The following TNRC6C variants were observed in gnomAD, a reference collection of about 807,000 sequenced individuals.
TNRC6C encodes trinucleotide repeat-containing gene 6C protein.
Under a neutral mutation model 153.7 loss-of-function variants are expected in TNRC6C, and 20 were observed. That is an observed-to-expected ratio of 0.13 (90% CI 0.09 to 0.19). TNRC6C has a LOEUF of 0.19. Among genes scored for constraint, TNRC6C ranks in the 10% least tolerant of loss-of-function variants. The pLI is 1.00. For synonymous variants in TNRC6C, 811 were observed against 841.4 expected (o/e 0.96, Z 0.63); for missense variants, 1,987 against 2,172.0 (o/e 0.91, Z 1.69).
chr17:78,086,563 T>A lies in TNRC6C; in HGVS notation c.3538T>A (p.Ser1180Thr), dbSNP rs977276027. 5.6e-6 allele frequency: 9 copies of A among 1,613,846 alleles called. No homozygotes were observed. In the African/African-American group the frequency reaches 9.3e-5, roughly 17 times the overall value. The change falls in exon 12 of 20, where the codon TCC (serine) becomes ACC (threonine). Residue 1180 changes from serine to threonine, a missense_variant. Ser to Thr is a moderately conservative substitution (Grantham distance 58). This residue lies in a region of TNRC6C where 765 missense variants were observed against 908.6 expected (regional missense o/e 0.84). Coordinates refer to ENST00000301624, the Ensembl canonical transcript of TNRC6C. ...ACAGGCCCAGCGTAATGTGTCCGGA[T>A]CCATGAGACAACAGGAGCAGCAAGT...
In TNRC6C at chr17:78,098,584, G is replaced by A. The variant is rs759637971; in HGVS notation, c.4501+47G>A. On this transcript the variant is annotated intron_variant, in intron 17 of 19. Coordinates refer to ENST00000301624, the Ensembl canonical transcript of TNRC6C. ...TTCCGATGGGGGCCTTACCCTTTAGGGGATGTGCTTATCACTTTGTCCTGT... is the reference window on the plus strand; with the variant it reads ...TTCCGATGGGGGCCTTACCCTTTAGAGGATGTGCTTATCACTTTGTCCTGT... 4 of 1,568,442 alleles carry A rather than the reference G, an allele frequency of 2.6e-6. No homozygotes were observed. The South Asian group carries it at 3.5e-5, about 14-fold the overall frequency.
chr17:77,991,570 T>C (rs1413028917), intron 1 of TNRC6C, among the ~76,000 whole-genome samples: 1 of 152,180 alleles, frequency 6.6e-6, no homozygotes, highest in African/African-American at 2.4e-5. Flanking sequence ...ATTCCTCTTT[T>C]CCTTCCTCTA....
At chr17:78,022,199 C>T (rs1300341486) in intron 1 of TNRC6C, among the ~76,000 whole-genome samples, 2 of 152,182 alleles carry the variant, frequency 1.3e-5, no homozygotes, top group Non-Finnish European at 2.9e-5. Flanking sequence ...CAGTCCTGCC[C>T]TACTCACATA....
intron 1 of TNRC6C, among the ~76,000 whole-genome samples, chr17:78,013,388 A>G (rs1357309289): frequency 6.6e-6 from 1 of 152,232 alleles, no homozygotes; most frequent in Non-Finnish European, 1.5e-5. Context: ...ACTCCAGCTT[A>G]CTAGCTAAGT....
chr17:77,983,098 C>T (rs1015694063), intron 1 of TNRC6C, among the ~76,000 whole-genome samples: 2 of 152,108 alleles, frequency 1.3e-5, no homozygotes, highest in Admixed American at 6.5e-5. Context: ...TTGAATATGG[C>T]GTAAATTCAC....
chr17:78,064,178 A>G (rs748277794), intron 3 of TNRC6C, among the ~76,000 whole-genome samples: 7 of 152,150 alleles, frequency 4.6e-5, no homozygotes, highest in Admixed American at 1.3e-4. Flanking sequence ...AAACTTAACC[A>G]CTTGGTTCCC....
At chr17:78,032,199 T>G (rs2072089662) in intron 2 of TNRC6C, among the ~76,000 whole-genome samples, 1 of 152,232 alleles carries the variant, frequency 6.6e-6, no homozygotes, top group Non-Finnish European at 1.5e-5. Context: ...TAGTCTGTCT[T>G]ATGAGTGCAC....
At chr17:77,981,897 AC>A (rs753041670) in intron 1 of TNRC6C, among the ~76,000 whole-genome samples, 3 of 152,128 alleles carry the variant, frequency 2.0e-5, no homozygotes, top group African/African-American at 7.2e-5. Context: ...AGATTTGACA[AC>A]CCCTAGGTAT....
At chr17:77,993,028 C>T (rs2071275698) in intron 1 of TNRC6C, among the ~76,000 whole-genome samples, 2 of 151,962 alleles carry the variant, frequency 1.3e-5, no homozygotes, top group Admixed American at 6.6e-5. Context: ...TGCAGTGGCA[C>T]GAACTTGGCT....
intron 2 of TNRC6C, among the ~76,000 whole-genome samples, chr17:78,046,636 A>G (rs1016766446): frequency 6.6e-6 from 1 of 152,134 alleles, no homozygotes; most frequent in Non-Finnish European, 1.5e-5. Context: ...TACGTATTTC[A>G]TGTCTTCTAC....
intron 12 of TNRC6C, 123 bp downstream of exon 14, chr17:78,086,709 CCT>C: frequency 6.4e-7 from 1 of 1,561,834 alleles, no homozygotes; most frequent in Admixed American, 1.7e-5. Context: ...TTTGAAAATT[CCT>C]GGGTTCAGCT....
chr17:78,093,589 C>G, intron 15 of TNRC6C, 31 bp from the exon 18 acceptor site: 1 of 1,612,784 alleles, frequency 6.2e-7, no homozygotes, highest in Non-Finnish European at 8.5e-7. Flanking sequence ...GTGTTCTGAT[C>G]TGTGGCTTCT....
upstream of TNRC6C, among the ~76,000 whole-genome samples, chr17:78,002,692 A>C (rs62078550): frequency 0.32 from 48,205 of 152,036 alleles, 7,800 homozygotes; most frequent in East Asian, 0.41. Context: ...CAGGAGTTCG[A>C]GACTAGCCTG....
intron 11 of TNRC6C, among the ~76,000 whole-genome samples, chr17:78,084,972 T>C (rs191222397): frequency 1.3e-5 from 2 of 152,244 alleles, no homozygotes; most frequent in South Asian, 2.1e-4. Flanking sequence ...GGTGGTGCTG[T>C]AGTGAGGAAT....
chr17:77,958,998 C>G (rs1374990016), upstream of TNRC6C, among the ~76,000 whole-genome samples: 1 of 145,770 alleles, frequency 6.9e-6, no homozygotes, highest in Non-Finnish European at 1.5e-5. Flanking sequence ...GAGCCGCATC[C>G]CGCCGGGCGT....
intron 1 of TNRC6C, among the ~76,000 whole-genome samples, chr17:77,988,786 A>G (rs529125805): frequency 2.0e-5 from 3 of 152,342 alleles, no homozygotes; most frequent in East Asian, 3.9e-4. Context: ...GGAAAATAAC[A>G]TTAATGTTCA....
chr17:77,987,244 TG>T (rs2144130306), intron 1 of TNRC6C, among the ~76,000 whole-genome samples: 1 of 152,232 alleles, frequency 6.6e-6, no homozygotes, highest in Non-Finnish European at 1.5e-5. Flanking sequence ...ATAACAAATA[TG>T]GGGAAATATG....
exon 5 of TNRC6C, chr17:78,067,912 G>A (rs2072914562): frequency 6.2e-7 from 1 of 1,610,748 alleles, no homozygotes; most frequent in Non-Finnish European, 8.5e-7. Context: ...CCCCAAAAAA[G>A]GACTTCAAAA....
chr17:78,043,497 A>G (rs1163891883), intron 2 of TNRC6C, among the ~76,000 whole-genome samples: 1 of 152,242 alleles, frequency 6.6e-6, no homozygotes, highest in Non-Finnish European at 1.5e-5. Flanking sequence ...ATTTTGATAC[A>G]GGCATGCAAT....
Sources: gnomAD v4.1 joint callset for allele counts (sites outside exome capture counted in the v4.1 genomes callset) on GRCh38, gnomAD v4.1.1 for gene constraint, gnomAD v4.1.1 regional missense constraint, MANE v1.5 for transcripts, NCBI Gene and HGNC (gene_info 2026-07-23, HGNC 2026-07-21) for gene names.